SLC15A2: variants seen among roughly 807,000 people sequenced by gnomAD.
SLC15A2 encodes solute carrier family 15 member 2.
In SLC15A2, 77 loss-of-function variants were observed where a neutral mutation model predicts 95.5. The ratio of observed to expected loss-of-function variants is 0.81; its 90% confidence interval spans 0.67 to 0.97. SLC15A2 has a LOEUF of 0.97. SLC15A2 is among the 50% of genes least tolerant of loss of function. The pLI, the probability that SLC15A2 is intolerant of heterozygous loss-of-function variation, is 0.00. For synonymous variants in SLC15A2, 306 were observed against 306.9 expected, an observed-to-expected ratio of 1.00 and a Z score of 0.03; for missense variants, 893 against 874.4, an observed-to-expected ratio of 1.02 and a Z score of -0.27.
intron 7 of SLC15A2, among the ~76,000 whole-genome samples, chr3:121,917,346 A>G (rs1264150829): frequency 6.6e-6 from 1 of 152,182 alleles, no homozygotes; most frequent in Non-Finnish European, 1.5e-5. Flanking sequence ...AGTGTGATCT[A>G]GGAAAGTACA....
chr3:121,934,044 C>G (rs1379960899), intron 19 of SLC15A2, among the ~76,000 whole-genome samples: 8 of 151,556 alleles, frequency 5.3e-5, no homozygotes, highest in East Asian at 1.9e-4. Context: ...GCTTGTTTTT[C>G]TCAGGTTTGT....
chr3:121,931,914 T>C (rs1225327945), intron 19 of SLC15A2, among the ~76,000 whole-genome samples, 179 bp downstream of exon 19: 1 of 152,206 alleles, frequency 6.6e-6, no homozygotes, highest in Non-Finnish European at 1.5e-5. Flanking sequence ...TTTTATTTTT[T>C]TTGAGACAGA....
At position 121,940,545 on chromosome 3, in the gene SLC15A2, T is replaced by C. The variant is rs866408087; in HGVS notation, c.2013+57T>C. On this transcript the variant is annotated intron_variant, in intron 21 of 21. Transcript: ENST00000489711. ...TACTCAAGTTTTTCCTCCAGCTTTC[T>C]CTTCTCCCTTTCCCCCATCTCTCTG... 3.0e-5 allele frequency: 41 copies of C among 1,380,062 alleles called. No individual in the cohort carries two copies. In the Middle Eastern group the frequency reaches 1.3e-3, roughly 43 times the overall value. 85.5% of individuals were successfully genotyped at this position (1,380,062 alleles called of 1,614,324 possible). A position where few individuals can be genotyped will look rare whatever the true frequency, so the allele number is the denominator to read the frequency against.
At chr3:121,902,468 C>G (rs1456321735) in intron 3 of SLC15A2, among the ~76,000 whole-genome samples, 4 of 152,050 alleles carry the variant, frequency 2.6e-5, no homozygotes, top group African/African-American at 9.7e-5. Flanking sequence ...CATGAACTCG[C>G]CATTTACATT....
intron 3 of SLC15A2, among the ~76,000 whole-genome samples, chr3:121,899,706 C>G (rs2107568017): frequency 6.6e-6 from 1 of 152,198 alleles, no homozygotes; most frequent in South Asian, 2.1e-4. Flanking sequence ...GTCCAAGGAA[C>G]CATGGAGGAT....
At chr3:121,925,700 GT>G (rs1480629314) in intron 13 of SLC15A2, among the ~76,000 whole-genome samples, 3 of 106,716 alleles carry the variant, frequency 2.8e-5, no homozygotes, top group East Asian at 5.9e-4. Flanking sequence ...CCCTCAAACA[GT>G]TTATTACTTA....
At chr3:121,921,443 T>C (rs1710003720) in intron 7 of SLC15A2, among the ~76,000 whole-genome samples, 1 of 151,666 alleles carries the variant, frequency 6.6e-6, no homozygotes, top group East Asian at 1.9e-4. Context: ...CAGTGTAACC[T>C]TGTACAAGGT....
intron 19 of SLC15A2, among the ~76,000 whole-genome samples, chr3:121,937,384 C>T (rs1576693719): frequency 8.7e-6 from 1 of 114,526 alleles, no homozygotes; most frequent in South Asian, 3.5e-4. Context: ...CCATTCTCCC[C>T]ATCACTTTCA....
Position 121,929,144 on chromosome 3 carries a change from A to T in SLC15A2, c.1504A>T (p.Met502Leu), listed in dbSNP as rs376140854. 14 of 1,610,524 alleles carry T rather than the reference A, an allele frequency of 8.7e-6. No homozygotes were observed. The highest frequency in any genetic ancestry group is 1.1e-5 in the Non-Finnish European group (13 of 1,177,716). ...REDGNSISSM[M>L]VKDTESRTTN... Reference sequence around the variant, plus strand: ...AGATGGGAACAGTATCTCCAGCATGATGGTAATTTGAGGAATTGCCTGTGT... The same window carrying T: ...AGATGGGAACAGTATCTCCAGCATGTTGGTAATTTGAGGAATTGCCTGTGT... Residue 502 changes from methionine (M) to leucine (L), a missense_variant and splice_region_variant, in exon 16 of 22, where the codon ATG becomes TTG. Coordinates refer to ENST00000489711, the MANE Select transcript of SLC15A2 (RefSeq NM_021082.4).
At chr3:121,921,185 A>C (rs962590981) in intron 7 of SLC15A2, among the ~76,000 whole-genome samples, 1 of 152,250 alleles carries the variant, frequency 6.6e-6, no homozygotes, top group Non-Finnish European at 1.5e-5. Context: ...GTGTTTGTAT[A>C]AATGATGAAT....
chr3:121,930,189 C>T (rs1710203567), intron 17 of SLC15A2, among the ~76,000 whole-genome samples: 1 of 152,116 alleles, frequency 6.6e-6, no homozygotes, highest in South Asian at 2.1e-4. Flanking sequence ...CTTCTTATTC[C>T]TGGGGCCAGA....
intron 2 of SLC15A2, 149 bp from the exon 3 acceptor site, chr3:121,897,239 C>A (rs1709435037): frequency 1.2e-6 from 1 of 812,904 alleles, no homozygotes; most frequent in Non-Finnish European, 1.9e-6. Flanking sequence ...TACTGCCTGG[C>A]AGTCACTTCT....
chr3:121,906,023 T>C (rs1709633099), intron 3 of SLC15A2, among the ~76,000 whole-genome samples: 1 of 152,240 alleles, frequency 6.6e-6, no homozygotes, highest in African/African-American at 2.4e-5. Flanking sequence ...TTTATGAATC[T>C]GGGTGCTCCT....
intron 11 of SLC15A2, 56 bp from the exon 12 acceptor site, chr3:121,924,295 C>T: frequency 8.2e-7 from 1 of 1,217,660 alleles, no homozygotes; most frequent in East Asian, 2.6e-5. Context: ...TCTAGGCCAA[C>T]ATTTTTTTTT....
At chr3:121,897,800 C>T (rs1446265364) in intron 3 of SLC15A2, among the ~76,000 whole-genome samples, 1 of 152,150 alleles carries the variant, frequency 6.6e-6, no homozygotes, top group African/African-American at 2.4e-5. Context: ...TTTAACCTTC[C>T]ATTCCATAGT....
chr3:121,911,521 A>T, intron 3 of SLC15A2, 53 bp from the exon 4 acceptor site: 1 of 1,216,200 alleles, frequency 8.2e-7, no homozygotes. Flanking sequence ...AGTCTGTATT[A>T]TTCAAATCTC....
rs774115153 is a variant in SLC15A2, at chr3:121,924,942, C to T, written c.1036-3C>T. 6.3e-7 allele frequency: 1 copy of T among 1,596,322 alleles called. No individual in the cohort carries two copies. Among genetic ancestry groups the T allele is most frequent in the Non-Finnish European group, 8.6e-7 (1 of 1,163,712 alleles). On this transcript the variant is annotated splice_region_variant and splice_polypyrimidine_tract_variant and intron_variant, in intron 12 of 21. Transcript: ENST00000489711. Reference sequence around the variant, plus strand: ...GCTAATCCTTTTTATCATGGTGTTACAGGTTCTAAATCCCCTTCTGGTTCT... The same window carrying T: ...GCTAATCCTTTTTATCATGGTGTTATAGGTTCTAAATCCCCTTCTGGTTCT...
rs1427014515 is a variant in SLC15A2 at position 121,940,390 on chromosome 3, T to A, written c.1915T>A (p.Ser639Thr). The A allele has an allele frequency of 1.9e-5, 30 of 1,613,672 alleles. No homozygotes were observed. Among genetic ancestry groups the A allele is most frequent in the Non-Finnish European group, 2.4e-5 (28 of 1,179,706 alleles). The stretch of plus-strand genomic sequence containing the variant: ...AAACTTGTGTCATCCCCAGGCTCCC[T>A]CTAGCATGAAATCTGTGCTCCAGGC... ...GLEFSYSQAP[S>T]SMKSVLQAAW... The change falls in exon 21 of 22, where the codon TCT becomes ACT. Residue 639 changes from serine to threonine, a missense_variant. Transcript: ENST00000489711.
In SLC15A2 at chr3:121,923,045, G is replaced by C. The variant is rs1465596536; in HGVS notation, c.873G>C (p.Gln291His). 1 of 1,613,770 alleles carries C rather than the reference G, an allele frequency of 6.2e-7. No homozygotes were observed. Among genetic ancestry groups the C allele is most frequent in the South Asian group, 1.1e-5 (1 of 91,044 alleles). Reference protein sequence around the residue: ...LDWAAEKYPKQLIMDVKALTR... With the variant: ...LDWAAEKYPKHLIMDVKALTR... ...ATTCTTCCTCCTTTTCGCAGAAGCAGCTCATTATGGATGTAAAGGCACTGA... is the reference window on the plus strand; with the variant it reads ...ATTCTTCCTCCTTTTCGCAGAAGCACCTCATTATGGATGTAAAGGCACTGA... Residue 291 changes from glutamine (Q) to histidine (H), a missense_variant, in exon 10 of 22, where the codon CAG becomes CAC. By Grantham distance (24) the Gln-to-His change is conservative (BLOSUM62 0). Coordinates refer to ENST00000489711, the MANE Select transcript of SLC15A2 (RefSeq NM_021082.4).
Sources: allele counts gnomAD v4.1 joint callset (sites outside exome capture counted in the v4.1 genomes callset), GRCh38; gene constraint gnomAD v4.1.1; transcripts MANE v1.5; gene names NCBI Gene and HGNC (gene_info 2026-07-23, HGNC 2026-07-21).